The following AOAH variants were observed in gnomAD, a reference collection of about 807,000 sequenced individuals.
The protein encoded by AOAH is acyloxyacyl hydrolase.
AOAH carries 64 observed loss-of-function variants against 92.2 expected under a neutral mutation model. The ratio of observed to expected loss-of-function variants is 0.69; its 90% CI spans 0.57 to 0.86. The LOEUF (loss-of-function observed/expected upper bound fraction) is 0.86. AOAH is among the 40% of genes least tolerant of loss of function. The pLI is 0.00. For missense variants in AOAH, 656 were observed against 694.6 expected (o/e 0.94, Z 0.62); for synonymous variants, 263 against 254.5 (o/e 1.03, Z -0.32).
intron 20 of AOAH, among the ~76,000 whole-genome samples, chr7:36,517,214 C>CTCTT (rs757643350): frequency 0.016 from 1,694 of 104,804 alleles, 64 homozygotes; most frequent in South Asian, 0.027. Flanking sequence ...TTCTTTCTTT[C>CTCTT]TCTTTCTTTC....
chr7:36,657,036 T>C lies in AOAH; in HGVS notation c.390+2130A>G, dbSNP rs566628438. ...CACTGAAAACTAGATGCTCAAAATG[T>C]AATGTTAAGGGAACAAAGTAGGGTA... On this transcript the variant is annotated intron_variant, in intron 4 of 20. Transcript: ENST00000617537. Among the ~76,000 whole-genome samples, 3 of 152,284 alleles carry C rather than the reference T, an allele frequency of 2.0e-5. No individual in the cohort carries two copies. In the South Asian group the frequency reaches 6.2e-4, roughly 32 times the overall value.
intron 5 of AOAH, among the ~76,000 whole-genome samples, chr7:36,635,176 A>C (rs1793433157): frequency 6.6e-6 from 1 of 152,152 alleles, no homozygotes; most frequent in Admixed American, 6.5e-5. Context: ...GCTGTTATTA[A>C]CTCAGCAATA....
intron 11 of AOAH, among the ~76,000 whole-genome samples, chr7:36,607,634 A>G (rs1396206309): frequency 6.6e-6 from 1 of 152,198 alleles, no homozygotes; most frequent in Non-Finnish European, 1.5e-5. Flanking sequence ...ATTCAATTCC[A>G]TTTCAGAAAA....
chr7:36,595,551 A>G (rs1436027052), intron 11 of AOAH, among the ~76,000 whole-genome samples: 1 of 152,206 alleles, frequency 6.6e-6, no homozygotes, highest in Non-Finnish European at 1.5e-5. Flanking sequence ...AAATAAATAC[A>G]TACATAAATA....
chr7:36,689,149 C>T (rs571235396), intron 1 of AOAH, among the ~76,000 whole-genome samples: 3 of 152,268 alleles, frequency 2.0e-5, no homozygotes, highest in African/African-American at 7.2e-5. Context: ...TGCTTCCTCT[C>T]TGTTCCAGTC....
At chr7:36,640,784 A>G (rs1793846000) in intron 4 of AOAH, among the ~76,000 whole-genome samples, 1 of 152,088 alleles carries the variant, frequency 6.6e-6, no homozygotes, top group Non-Finnish European at 1.5e-5. Context: ...GGGAAGCTCC[A>G]GAAGCCACCA....
chr7:36,657,861 T>C (rs1381207473), intron 4 of AOAH, among the ~76,000 whole-genome samples: 3 of 152,204 alleles, frequency 2.0e-5, no homozygotes, highest in Non-Finnish European at 4.4e-5. Context: ...ATGGGACAAT[T>C]TAAAGTTGAA....
At chr7:36,519,592 A>G (rs958021225) in intron 20 of AOAH, among the ~76,000 whole-genome samples, 49 of 152,232 alleles carry the variant, frequency 3.2e-4, no homozygotes, top group African/African-American at 1.2e-3. Context: ...CACCACGCCC[A>G]GCTAATTTTG....
In AOAH at chr7:36,594,444, T is replaced by C; in HGVS notation, c.847-14A>G. On this transcript the variant is annotated splice_polypyrimidine_tract_variant and intron_variant, in intron 11 of 20. Transcript: ENST00000617537. Reference sequence around the variant, plus strand: ...GATGAAAGAGTTCTAAGGAAAACAATAAAGTAGCAATTATCAAAATGGTCA... The same window carrying C: ...GATGAAAGAGTTCTAAGGAAAACAACAAAGTAGCAATTATCAAAATGGTCA... 6.3e-7 allele frequency: 1 copy of C among 1,599,296 alleles called. No individual in the cohort carries two copies. Among genetic ancestry groups the C allele is most frequent in the African/African-American group, 1.3e-5 (1 of 74,694 alleles).
At chr7:36,558,061 C>T (rs1786915531) in intron 13 of AOAH, among the ~76,000 whole-genome samples, 2 of 152,350 alleles carry the variant, frequency 1.3e-5, no homozygotes, top group Non-Finnish European at 1.5e-5. Context: ...GAGAGGCGCT[C>T]TGCTTTTTAG....
At chr7:36,630,809 T>A (rs1222510286) in intron 6 of AOAH, among the ~76,000 whole-genome samples, 1 of 152,192 alleles carries the variant, frequency 6.6e-6, no homozygotes, top group African/African-American at 2.4e-5. Flanking sequence ...AGAATATGTA[T>A]ATTCCCAAAG....
chr7:36,642,915 CA>C (rs1794001596), intron 4 of AOAH, among the ~76,000 whole-genome samples: 1 of 152,168 alleles, frequency 6.6e-6, no homozygotes, highest in Non-Finnish European at 1.5e-5. Context: ...GGACCTTGGG[CA>C]AGTTACTTAA....
chr7:36,712,260 A>G (rs1460367459), intron 1 of AOAH, among the ~76,000 whole-genome samples: 1 of 151,948 alleles, frequency 6.6e-6, no homozygotes, highest in Non-Finnish European at 1.5e-5. Context: ...ATCGTGAACC[A>G]CTCTGTGTGT....
intron 4 of AOAH, among the ~76,000 whole-genome samples, chr7:36,655,037 T>G (rs1794793676): frequency 6.6e-6 from 1 of 152,214 alleles, no homozygotes; most frequent in Non-Finnish European, 1.5e-5. Flanking sequence ...TATTTTCATT[T>G]TTATCCATAT....
intron 11 of AOAH, among the ~76,000 whole-genome samples, chr7:36,598,669 T>C (rs1038706897): frequency 6.6e-6 from 1 of 152,144 alleles, no homozygotes; most frequent in African/African-American, 2.4e-5. Flanking sequence ...ATAGAAAAGG[T>C]TTGAGCACAC....
At chr7:36,660,611 C>T (rs1190766831) in intron 3 of AOAH, among the ~76,000 whole-genome samples, 2 of 152,192 alleles carry the variant, frequency 1.3e-5, no homozygotes, top group South Asian at 4.1e-4. Flanking sequence ...GCCACTGCAC[C>T]AGGCTGGGCA....
chr7:36,545,355 T>C (rs1271657693), intron 15 of AOAH, among the ~76,000 whole-genome samples: 3 of 152,112 alleles, frequency 2.0e-5, no homozygotes, highest in Non-Finnish European at 4.4e-5. Context: ...CACTGAAGAG[T>C]CTGGGAGAGA....
chr7:36,610,151 C>T (rs1437791334), intron 11 of AOAH, among the ~76,000 whole-genome samples: 3 of 66,510 alleles, frequency 4.5e-5, no homozygotes, highest in African/African-American at 1.3e-4. Flanking sequence ...GAGAATGCTC[C>T]ATAATAGCAA....
intron 20 of AOAH, among the ~76,000 whole-genome samples, chr7:36,519,553 C>G (rs562221027): frequency 1.3e-5 from 2 of 152,240 alleles, no homozygotes; most frequent in Non-Finnish European, 1.5e-5. Flanking sequence ...GCCTCAGCCT[C>G]CCAAGTAGCT....
Sources: gnomAD v4.1 joint callset for allele counts (sites outside exome capture counted in the v4.1 genomes callset) on GRCh38, gnomAD v4.1.1 for gene constraint, MANE v1.5 for transcripts, NCBI Gene and HGNC (gene_info 2026-07-23, HGNC 2026-07-21) for gene names.